The following GDAP2 variants were observed in gnomAD, a reference collection of about 807,000 sequenced individuals.
GDAP2 encodes the protein ganglioside-induced differentiation-associated protein 2.
A neutral mutation model predicts 67.0 loss-of-function variants in GDAP2; 51 were observed. The observed-to-expected ratio is 0.76, with a 90% CI of 0.61 to 0.96. The LOEUF (loss-of-function observed/expected upper bound fraction) is 0.96, where lower values mean the gene tolerates loss of function less well. Ranked by LOEUF, GDAP2 falls within the 40% of genes least tolerant of loss-of-function variation. GDAP2 has a pLI of 0.00. For missense variants in GDAP2, 547 were observed against 588.3 expected (o/e 0.93, Z 0.73); for synonymous variants, 203 against 207.3 (o/e 0.98, Z 0.18).
chr1:117,896,176 G>A (rs1279684113), intron 8 of GDAP2, among the ~76,000 whole-genome samples: 2 of 152,182 alleles, frequency 1.3e-5, no homozygotes, highest in Non-Finnish European at 2.9e-5. Flanking sequence ...AAAACCCTAT[G>A]AGGTGCTAAC....
At chr1:117,896,693 G>T in intron 8 of GDAP2, 140 bp downstream of exon 8, 1 of 560,180 alleles carries the variant, frequency 1.8e-6, no homozygotes, top group Non-Finnish European at 3.0e-6. Flanking sequence ...CCAAAATGAG[G>T]ACGATATCTT....
chr1:117,920,598 C>A (rs1261628758), intron 1 of GDAP2, among the ~76,000 whole-genome samples, 174 bp from the exon 2 acceptor site: 7 of 151,990 alleles, frequency 4.6e-5, no homozygotes, highest in Non-Finnish European at 1.5e-5. Context: ...TACAGAATTT[C>A]TAAAACAGGA....
chr1:117,889,459 A>C (rs1487412646), intron 8 of GDAP2, among the ~76,000 whole-genome samples: 1 of 151,974 alleles, frequency 6.6e-6, no homozygotes, highest in Non-Finnish European at 1.5e-5. Flanking sequence ...TTTGACCAAC[A>C]TCTCCCCAAT....
At chr1:117,891,514 T>C (rs142584911) in intron 8 of GDAP2, among the ~76,000 whole-genome samples, 4 of 152,104 alleles carry the variant, frequency 2.6e-5, no homozygotes, top group South Asian at 2.1e-4. Context: ...AGTAATGAGG[T>C]TGAGATTCTG....
chr1:117,927,414 G>C (rs779017635), intron 1 of GDAP2, among the ~76,000 whole-genome samples: 25 of 152,074 alleles, frequency 1.6e-4, no homozygotes, highest in Non-Finnish European at 3.4e-4. Context: ...TCATTTAAGA[G>C]AGAAAAATGG....
At position 117,918,643 on chromosome 1, in the gene GDAP2, G is replaced by A; in HGVS notation, c.270C>T (p.Phe90=). ...CCTTCAAATCAGGCCCTGCAAGCAT[G>A]AAGATACTTTCTGACACAGGATTCT... ...TDKNPVSESI[F]MLAGPDLKED... Residue 90 remains phenylalanine (F), a synonymous_variant, in exon 3 of 14, where the codon TTC becomes TTT. Coordinates refer to ENST00000369443, the MANE Select transcript of GDAP2 (RefSeq NM_017686.4). 1 of 1,609,770 alleles carries A rather than the reference G, an allele frequency of 6.2e-7. No homozygotes were observed. Among genetic ancestry groups the A allele is most frequent in the Non-Finnish European group, 8.5e-7 (1 of 1,176,166 alleles).
At chr1:117,881,898 CA>C (rs199732546) in intron 11 of GDAP2, 21 bp from the exon 12 acceptor site, 61 of 1,392,346 alleles carry the variant, frequency 4.4e-5, no homozygotes, top group Middle Eastern at 1.8e-4. Context: ...AATAAAATGA[CA>C]AAAAAAATCA....
chr1:117,918,760 C>T, intron 2 of GDAP2, 24 bp from the exon 3 acceptor site: 2 of 1,568,140 alleles, frequency 1.3e-6, no homozygotes, highest in Non-Finnish European at 8.7e-7. Context: ...AAAGAATGAA[C>T]AAGTGTGGGG....
intron 13 of GDAP2, among the ~76,000 whole-genome samples, chr1:117,873,089 C>A (rs1348477304): frequency 6.6e-6 from 1 of 152,140 alleles, no homozygotes; most frequent in Non-Finnish European, 1.5e-5. Context: ...AAGTTCAATA[C>A]TTAATGCCAT....
At chr1:117,875,396 G>T (rs2101116742) in intron 13 of GDAP2, among the ~76,000 whole-genome samples, 1 of 152,348 alleles carries the variant, frequency 6.6e-6, no homozygotes, top group East Asian at 1.9e-4. Context: ...CAGGCATGCA[G>T]CATGCAAGAG....
chr1:117,885,076 T>C (rs1443829887), intron 10 of GDAP2, among the ~76,000 whole-genome samples: 2 of 152,114 alleles, frequency 1.3e-5, no homozygotes, highest in East Asian at 3.9e-4. Context: ...CAGGCTAGTC[T>C]CGAACTCCTG....
chr1:117,918,500 A>T (rs924515944), intron 3 of GDAP2, 97 bp downstream of exon 3: 11 of 831,406 alleles, frequency 1.3e-5, no homozygotes, highest in Non-Finnish European at 2.2e-5. Context: ...AAACAGCTAC[A>T]TCTACAAAAT....
In GDAP2 at chr1:117,870,166, A is replaced by C. The variant is rs1156945291; in HGVS notation, c.*403T>G. The C allele has an allele frequency of 5.0e-6, 1 of 200,944 alleles. No homozygotes were observed. The highest frequency in any genetic ancestry group is 2.4e-5 in the African/African-American group (1 of 42,018). The allele number at this position is 200,944 out of a possible 1,614,324, so 12.4% of individuals were successfully genotyped here. On this transcript the variant is annotated 3_prime_UTR_variant, in exon 14 of 14. Transcript: ENST00000369443. Reference sequence around the variant, plus strand: ...CAAACAATGCATCTGGTTAGCATACATTGGTTCTGTATATTTCGAGAATCA... The same window carrying C: ...CAAACAATGCATCTGGTTAGCATACCTTGGTTCTGTATATTTCGAGAATCA...
chr1:117,891,057 C>T (rs1649063590), intron 8 of GDAP2, among the ~76,000 whole-genome samples: 1 of 151,416 alleles, frequency 6.6e-6, no homozygotes, highest in Non-Finnish European at 1.5e-5. Flanking sequence ...ACAAATATTT[C>T]AAAATCCAAA....
At chr1:117,926,671 T>A (rs3767827) in intron 1 of GDAP2, among the ~76,000 whole-genome samples, 11 of 152,184 alleles carry the variant, frequency 7.2e-5, no homozygotes, top group Admixed American at 2.6e-4. Context: ...AAAAACCTGA[T>A]CCCTGAGAGA....
At chr1:117,907,811 T>G (rs1200904771) in intron 5 of GDAP2, among the ~76,000 whole-genome samples, 1 of 152,160 alleles carries the variant, frequency 6.6e-6, no homozygotes, top group African/African-American at 2.4e-5. Flanking sequence ...TATCTTCTCA[T>G]GTTACCCGAG....
chr1:117,925,332 A>G (rs1650409077), intron 1 of GDAP2, among the ~76,000 whole-genome samples: 3 of 152,138 alleles, frequency 2.0e-5, no homozygotes, highest in Admixed American at 2.0e-4. Context: ...ATGCATCTGT[A>G]GTCCCAGCTA....
At chr1:117,875,282 T>A (rs1186004873) in intron 13 of GDAP2, among the ~76,000 whole-genome samples, 1 of 152,198 alleles carries the variant, frequency 6.6e-6, no homozygotes, top group African/African-American at 2.4e-5. Context: ...TCCCAGCCCC[T>A]CTGGTTCCAG....
At chr1:117,899,263 A>G (rs1649366545) in intron 6 of GDAP2, 47 bp from the exon 7 acceptor site, 3 of 1,347,990 alleles carry the variant, frequency 2.2e-6, no homozygotes, top group Non-Finnish European at 3.2e-6. Context: ...AACAAAACAA[A>G]GAAGACCTCA....
Sources: allele counts gnomAD v4.1 joint callset (sites outside exome capture counted in the v4.1 genomes callset), GRCh38; gene constraint gnomAD v4.1.1; transcripts MANE v1.5; gene names NCBI Gene and HGNC (gene_info 2026-07-23, HGNC 2026-07-21).